MAGEA4: variants seen among roughly 807,000 people sequenced by gnomAD.
MAGEA4 encodes MAGE family member A4.
Under a neutral mutation model 13.7 loss-of-function variants are expected in MAGEA4, and 1 was observed. The observed-to-expected ratio is 0.07, with a 90% CI of 0.03 to 0.35. MAGEA4 has a LOEUF of 0.35. Among genes scored for constraint, MAGEA4 ranks in the 10% least tolerant of loss-of-function variants. The probability of loss-of-function intolerance (pLI) is 0.99; values close to 1 mark genes in which losing one functional copy is unlikely to be tolerated. For missense variants in MAGEA4, 312 were observed against 245.1 expected (o/e 1.27, Z -1.82); for synonymous variants, 132 against 101.1 (o/e 1.31, Z -1.83).
upstream of MAGEA4, chrX:151,912,520 C>T: frequency 5.5e-6 from 2 of 366,583 alleles, no homozygotes; most frequent in Non-Finnish European, 1.1e-5. Flanking sequence ...GGGAAGCAGG[C>T]GCAGGCTCTG....
rs1233985788 is a variant in MAGEA4 at position 151,924,428 on chromosome X, A to G, written c.764A>G (p.Asn255Ser). The change falls in exon 3 of 3, where the codon AAC (asparagine) becomes AGC (serine). Residue 255 changes from asparagine (N) to serine (S), a missense_variant. By Grantham distance (46) the Asn-to-Ser change is conservative. Transcript: ENST00000276344. ...KLLTQDWVQE[N>S]YLEYRQVPGS... ...CTCACCCAAGATTGGGTGCAGGAAA[A>G]CTACCTGGAGTACCGGCAGGTACCC... 3 of 1,209,720 alleles carry G rather than the reference A, an allele frequency of 2.5e-6. No homozygotes were observed. The highest frequency in any genetic ancestry group is 3.0e-5 in the East Asian group (1 of 33,734).
intron 1 of MAGEA4, among the ~76,000 whole-genome samples, chrX:151,920,975 C>T (rs1354060758): frequency 1.8e-5 from 2 of 111,393 alleles, no homozygotes; most frequent in Admixed American, 9.5e-5. Flanking sequence ...CCCTTCGCAA[C>T]GCGTTTGTTT....
Position 151,924,501 on chromosome X carries a change from G to T in MAGEA4, c.837G>T (p.Leu279=), listed in dbSNP as rs200409709. The change falls in exon 3 of 3, where the codon CTG becomes CTT. Residue 279 remains leucine, a synonymous_variant. Coordinates refer to ENST00000276344, the MANE Select transcript of MAGEA4 (RefSeq NM_001011548.1). ...AGTTCCTGTGGGGTCCAAGGGCTCT[G>T]GCTGAAACCAGCTATGTGAAAGTCC... is the stretch of plus-strand genomic sequence containing the variant. ...RYEFLWGPRA[L]AETSYVKVLE... 7.4e-5 allele frequency: 89 copies of T among 1,210,431 alleles called. No homozygotes were observed. In the East Asian group the frequency reaches 2.2e-3, roughly 30 times the overall value.
intron 1 of MAGEA4, 129 bp from the exon 2 acceptor site, chrX:151,923,324 A>G (rs762776554): frequency 5.0e-5 from 19 of 376,240 alleles, no homozygotes; most frequent in Admixed American, 1.0e-4. Flanking sequence ...ATGCACACCA[A>G]GGGCCCCACC....
At position 151,919,841 on chromosome X, in the gene MAGEA4, C is replaced by T. The variant is rs766382272; in HGVS notation, c.-137-3612C>T. On this transcript the variant is annotated intron_variant, in intron 1 of 2. Transcript: ENST00000276344. ...CGTGGGGGGACTTCTGAGTCTGGGG[C>T]GCCCACCACCCCACTGCCTCTGAAG... is the stretch of plus-strand genomic sequence containing the variant. The T allele has an allele frequency of 1.2e-4, 67 of 581,623 alleles. No homozygotes were observed. In the African/African-American group the frequency reaches 1.3e-3, roughly 11 times the overall value. 47.9% of individuals were successfully genotyped at this position (581,623 alleles called of 1,213,427 possible).
chrX:151,924,123 C>T lies in MAGEA4; in HGVS notation c.459C>T (p.Gly153=). Residue 153 remains glycine (G), a synonymous_variant, in exon 3 of 3, where the codon GGC becomes GGT. Coordinates refer to ENST00000276344, the MANE Select transcript of MAGEA4 (RefSeq NM_001011548.1). ...AGCGCTGCTTTCCTGTGATCTTCGG[C>T]AAAGCCTCCGAGTCCCTGAAGATGA... ...NYKRCFPVIF[G]KASESLKMIF... is the part of the protein sequence containing the mutation. The T allele has an allele frequency of 8.2e-7, 1 of 1,212,146 alleles. No homozygotes were observed. The highest frequency in any genetic ancestry group is 1.1e-6 in the Non-Finnish European group (1 of 895,634).
In MAGEA4 at chrX:151,924,016, G is replaced by A; in HGVS notation, c.352G>A (p.Ala118Thr). 8.2e-7 allele frequency: 1 copy of A among 1,212,152 alleles called. No homozygotes were observed. The highest frequency in any genetic ancestry group is 2.2e-5 in the Admixed American group (1 of 46,117). Residue 118 changes from alanine to threonine, a missense_variant, in exon 3 of 3, where the codon GCT (alanine) becomes ACT (threonine). Physicochemically the swap from Ala to Thr is moderately conservative, Grantham distance 58 (BLOSUM62 0). Coordinates refer to ENST00000276344, the MANE Select transcript of MAGEA4 (RefSeq NM_001011548.1). ...EALSNKVDEL[A>T]HFLLRKYRAK... ...ACTCAGTAACAAGGTGGATGAGTTG[G>A]CTCATTTTCTGCTCCGCAAGTATCG...
intron 1 of MAGEA4, chrX:151,917,828 G>A (rs1481508878): frequency 7.8e-5 from 8 of 102,370 alleles, no homozygotes; most frequent in Non-Finnish European, 1.6e-4. Flanking sequence ...GAAGTCGCAG[G>A]GGACTCTGGA....
chrX:151,919,589 C>G (rs937507721), intron 1 of MAGEA4: 1 of 721,509 alleles, frequency 1.4e-6, no homozygotes, highest in Non-Finnish European at 1.6e-6. Context: ...GCTTTCAACC[C>G]AAGAAAGCCG....
rs865838511 is a variant in MAGEA4 at position 151,919,488 on chromosome X, T to C, written c.-137-3965T>C. Reference sequence around the variant, plus strand: ...CCCCCATCCACACTGAATCAGGTTCTGCTTCCGCTTTCAACCCACCCCCAA... The same window carrying C: ...CCCCCATCCACACTGAATCAGGTTCCGCTTCCGCTTTCAACCCACCCCCAA... On this transcript the variant is annotated intron_variant, in intron 1 of 2. Coordinates refer to ENST00000276344, the MANE Select transcript of MAGEA4 (RefSeq NM_001011548.1). Among the ~76,000 whole-genome samples the C allele has an allele frequency of 1.8e-3, 164 of 90,438 alleles. 1 individual carries two copies. Among genetic ancestry groups the C allele is most frequent in the African/African-American group, 6.7e-3 (151 of 22,565 alleles). The allele number at this position is 90,438 out of a possible 115,157, so 78.5% of individuals were successfully genotyped here.
In MAGEA4 at chrX:151,924,101, G is replaced by A. The variant is rs200822743; in HGVS notation, c.437G>A (p.Arg146His). Reference protein sequence around the residue: ...MLERVIKNYKRCFPVIFGKAS... With the variant: ...MLERVIKNYKHCFPVIFGKAS... ...GAGAGAGTCATCAAAAATTACAAGC[G>A]CTGCTTTCCTGTGATCTTCGGCAAA... The change falls in exon 3 of 3, where the codon CGC becomes CAC. Residue 146 changes from arginine (R) to histidine (H), a missense_variant. By Grantham distance (29) the Arg-to-His change is conservative. Transcript: ENST00000276344. 44 of 1,210,719 alleles carry A rather than the reference G, an allele frequency of 3.6e-5. No homozygotes were observed. The highest frequency in any genetic ancestry group is 4.4e-5 in the Admixed American group (2 of 45,896).
At chrX:151,922,477 C>G (rs965941869) in intron 1 of MAGEA4, among the ~76,000 whole-genome samples, 1 of 111,245 alleles carries the variant, frequency 9.0e-6, no homozygotes, top group Non-Finnish European at 1.9e-5. Context: ...GCCCTGGGCA[C>G]CCCACACAGG....
intron 1 of MAGEA4, among the ~76,000 whole-genome samples, chrX:151,917,967 A>T (rs1202337443): frequency 5.4e-5 from 2 of 37,211 alleles, no homozygotes; most frequent in African/African-American, 2.3e-4. Context: ...CCCCTTTCCC[A>T]TTACCATTTG....
Position 151,923,739 on chromosome X carries a change from G to C in MAGEA4, c.75G>C (p.Leu25=). 8.3e-7 allele frequency: 1 copy of C among 1,210,578 alleles called. No individual in the cohort carries two copies. Among genetic ancestry groups the C allele is most frequent in the Non-Finnish European group, 1.1e-6 (1 of 895,287 alleles). ...AGGCCCAAGAAGAGGCCCTGGGCCTGGTGGGTGCACAGGCTCCTACTACTG... is the reference window on the plus strand; with the variant it reads ...AGGCCCAAGAAGAGGCCCTGGGCCTCGTGGGTGCACAGGCTCCTACTACTG... ...GVEAQEEALG[L]VGAQAPTTEE... Residue 25 remains leucine (L), a synonymous_variant, in exon 3 of 3, where the codon CTG becomes CTC. Coordinates refer to ENST00000276344, the MANE Select transcript of MAGEA4 (RefSeq NM_001011548.1).
In MAGEA4 at chrX:151,924,005, T is replaced by C; in HGVS notation, c.341T>C (p.Val114Ala). Residue 114 changes from valine to alanine, a missense_variant, in exon 3 of 3, where the codon GTG becomes GCG. Val to Ala is a moderately conservative substitution (Grantham distance 64, BLOSUM62 0). Transcript: ENST00000276344. ...SLFREALSNK[V>A]DELAHFLLRK... ...TTCCGAGAAGCACTCAGTAACAAGG[T>C]GGATGAGTTGGCTCATTTTCTGCTC... The C allele has an allele frequency of 8.3e-7, 1 of 1,211,561 alleles. No homozygotes were observed. Among genetic ancestry groups the C allele is most frequent in the Non-Finnish European group, 1.1e-6 (1 of 895,445 alleles).
intron 1 of MAGEA4, among the ~76,000 whole-genome samples, chrX:151,920,176 G>T (rs1350911504): frequency 9.1e-6 from 1 of 109,596 alleles, no homozygotes; most frequent in African/African-American, 3.3e-5. Flanking sequence ...GTTCCTGGAT[G>T]TGATGCCAGT....
chrX:151,918,989 C>T, intron 1 of MAGEA4: 3 of 752,905 alleles, frequency 4.0e-6, no homozygotes, highest in Non-Finnish European at 3.1e-6. Context: ...TGTGACCAGC[C>T]GCTTGGGATT....
At position 151,924,880 on chromosome X, in the gene MAGEA4, A is replaced by G; in HGVS notation, c.*262A>G. ...TTCAGCATCCAAGTTTATGAATCGT[A>G]GTTAACGTATATTGCTGTTAATATA... is the stretch of plus-strand genomic sequence containing the variant. On this transcript the variant is annotated 3_prime_UTR_variant, in exon 3 of 3. Transcript: ENST00000276344. 1 of 321,292 alleles carries G rather than the reference A, an allele frequency of 3.1e-6. No homozygotes were observed. The highest frequency in any genetic ancestry group is 5.6e-6 in the Non-Finnish European group (1 of 179,485). The allele number at this position is 321,292 out of a possible 1,213,427, so 26.5% of individuals were successfully genotyped here. A position where few individuals can be genotyped will look rare whatever the true frequency, so the allele number is the denominator to read the frequency against.
rs774238759 is a variant in MAGEA4, at chrX:151,922,508, T to C, written c.-137-945T>C. On this transcript the variant is annotated intron_variant, in intron 1 of 2. Transcript: ENST00000276344. ...ACAGGGGTGACAGGATGTGGCTCCT[T>C]CTCATTTCTGATTCCAGATCTCAGT... is the stretch of plus-strand genomic sequence containing the variant. Among the ~76,000 whole-genome samples the C allele has an allele frequency of 9.0e-5, 10 of 111,031 alleles. No homozygotes were observed. The East Asian group carries it at 2.9e-3, about 32-fold the overall frequency.
Sources: gnomAD v4.1 joint callset for allele counts (sites outside exome capture counted in the v4.1 genomes callset) on GRCh38, gnomAD v4.1.1 for gene constraint, MANE v1.5 for transcripts, NCBI Gene and HGNC (gene_info 2026-07-23, HGNC 2026-07-21) for gene names.